GPBP1L1: variants seen among roughly 807,000 people sequenced by gnomAD.
GPBP1L1 encodes the protein vasculin-like protein 1.
GPBP1L1 carries 23 observed loss-of-function variants against 52.5 expected under a neutral mutation model. The ratio of observed to expected loss-of-function variants is 0.44; its 90% CI spans 0.32 to 0.62. The LOEUF is 0.62. Among genes scored for constraint, GPBP1L1 ranks in the 20% least tolerant of loss-of-function variants. The pLI is 0.06. For synonymous variants in GPBP1L1, 243 were observed against 203.1 expected, an observed-to-expected ratio of 1.20 and a Z score of -1.67; for missense variants, 596 against 579.3, an observed-to-expected ratio of 1.03 and a Z score of -0.30.
chr1:45,686,811 C>T (rs1034880887), upstream of GPBP1L1, among the ~76,000 whole-genome samples: 16 of 152,254 alleles, frequency 1.1e-4, no homozygotes, highest in Admixed American at 8.5e-4. Flanking sequence ...ATTGAATCCT[C>T]TGCCTTTCCT....
At chr1:45,650,669 A>G (rs1367813691) in intron 6 of GPBP1L1, among the ~76,000 whole-genome samples, 1 of 152,200 alleles carries the variant, frequency 6.6e-6, no homozygotes, top group East Asian at 1.9e-4. Flanking sequence ...TCAATTTGTG[A>G]TTTTTATCTA....
chr1:45,664,616 A>T (rs950277263), intron 2 of GPBP1L1, among the ~76,000 whole-genome samples: 4 of 152,124 alleles, frequency 2.6e-5, no homozygotes, highest in African/African-American at 9.7e-5. Flanking sequence ...ATGGGGTTTC[A>T]CTATGTTGCC....
intron 2 of GPBP1L1, among the ~76,000 whole-genome samples, chr1:45,683,672 C>T (rs1407660923): frequency 1.4e-5 from 2 of 147,992 alleles, no homozygotes; most frequent in Non-Finnish European, 3.0e-5. Flanking sequence ...TCCCTGAGTT[C>T]GAGACCATTG....
At chr1:45,647,201 A>T (rs1644760272) in intron 6 of GPBP1L1, among the ~76,000 whole-genome samples, 3 of 115,336 alleles carry the variant, frequency 2.6e-5, no homozygotes, top group African/African-American at 3.3e-5. Flanking sequence ...CAAGTTTCAT[A>T]CTCTTGTTGC....
intron 8 of GPBP1L1, among the ~76,000 whole-genome samples, chr1:45,638,302 G>T (rs372363163): frequency 1.1e-4 from 17 of 152,150 alleles, no homozygotes; most frequent in African/African-American, 4.1e-4. Context: ...TCCTTTTACT[G>T]TCAAGGTTAA....
intron 7 of GPBP1L1, chr1:45,641,850 A>T (rs927447056): frequency 1.3e-5 from 2 of 150,846 alleles, no homozygotes; most frequent in African/African-American, 2.4e-5. Flanking sequence ...TGAAGTAGCA[A>T]TGTTAATTAA....
At chr1:45,685,095 T>A (rs1047409906) in intron 2 of GPBP1L1, among the ~76,000 whole-genome samples, 1 of 151,924 alleles carries the variant, frequency 6.6e-6, no homozygotes, top group East Asian at 1.9e-4. Context: ...AAAGACAGTC[T>A]CTTGTTCAAA....
At chr1:45,668,474 T>C (rs1292593431) in intron 2 of GPBP1L1, among the ~76,000 whole-genome samples, 3 of 152,032 alleles carry the variant, frequency 2.0e-5, no homozygotes, top group Admixed American at 6.5e-5. Flanking sequence ...GCCAACATGG[T>C]GAAACCTCAT....
intron 8 of GPBP1L1, among the ~76,000 whole-genome samples, chr1:45,637,808 T>C (rs1644615618): frequency 2.0e-5 from 3 of 152,250 alleles, no homozygotes; most frequent in South Asian, 4.2e-4. Context: ...TTGGTAACAA[T>C]AGCTACCATT....
chr1:45,664,237 G>A (rs961737357), intron 2 of GPBP1L1, among the ~76,000 whole-genome samples: 5 of 152,050 alleles, frequency 3.3e-5, no homozygotes, highest in Admixed American at 6.6e-5. Flanking sequence ...GGAGAATGGC[G>A]GGAACCCGGG....
rs1035879877 is a variant in GPBP1L1, at chr1:45,660,156, C to T, written c.-56+28G>A. The T allele has an allele frequency of 7.1e-6, 7 of 982,222 alleles. No homozygotes were observed. The African/African-American group carries it at 1.0e-4, about 15-fold the overall frequency. The allele number at this position is 982,222 out of a possible 1,614,324, so 60.8% of individuals were successfully genotyped here. ...GATGCATATACATAGAGTCTTCTTT[C>T]CAAGTTAGACATATGGAGAATATTT... On this transcript the variant is annotated intron_variant, in intron 3 of 12. Transcript: ENST00000355105.
intron 8 of GPBP1L1, 170 bp from the exon 9 acceptor site, chr1:45,634,406 C>T: frequency 1.8e-6 from 1 of 562,916 alleles, no homozygotes. Flanking sequence ...TTAGGCACTT[C>T]AAGGAAAATG....
intron 2 of GPBP1L1, among the ~76,000 whole-genome samples, chr1:45,661,781 A>C (rs1175501337): frequency 6.6e-6 from 1 of 152,152 alleles, no homozygotes; most frequent in Non-Finnish European, 1.5e-5. Flanking sequence ...ATAAAAGCAC[A>C]TGTAATCTCA....
In GPBP1L1 at chr1:45,668,579, G is replaced by A. The variant is rs190619503; in HGVS notation, c.-1097-7354C>T. On this transcript the variant is annotated intron_variant, in intron 2 of 12. Coordinates refer to ENST00000355105, the MANE Select transcript of GPBP1L1 (RefSeq NM_021639.5). ...TGAGGCACAAGAACTGCTTGAACCCGGGAAGTGGCAGAGGTTGCAGTGAGC... is the reference window on the plus strand; with the variant it reads ...TGAGGCACAAGAACTGCTTGAACCCAGGAAGTGGCAGAGGTTGCAGTGAGC... Among the ~76,000 whole-genome samples, 15 of 152,220 alleles carry A rather than the reference G, an allele frequency of 9.9e-5. No individual in the cohort carries two copies. The East Asian group carries it at 1.9e-3, about 20-fold the overall frequency.
In GPBP1L1 at chr1:45,639,738, G is replaced by A. The variant is rs180934970; in HGVS notation, c.744+472C>T. Among the ~76,000 whole-genome samples, 456 of 151,960 alleles carry A rather than the reference G, an allele frequency of 3.0e-3. 3 individuals are homozygous for A. Among genetic ancestry groups the A allele is most frequent in the East Asian group, 0.022 (115 of 5,154 alleles). The stretch of plus-strand genomic sequence containing the variant: ...TAAAAATACAAAAAAACACCGAGCC[G>A]GGTGTGGTGGCGGGCGCCTGTAGTC... On this transcript the variant is annotated intron_variant, in intron 8 of 12. Transcript: ENST00000355105.
At chr1:45,663,064 A>AG (rs10526953) in intron 2 of GPBP1L1, among the ~76,000 whole-genome samples, 1 of 149,420 alleles carries the variant, frequency 6.7e-6, no homozygotes, top group African/African-American at 2.5e-5. Flanking sequence ...AAAAAAAAAA[A>AG]GCAAAAAACC....
chr1:45,680,702 T>TCACTTTGAA (rs1290166346), intron 2 of GPBP1L1, among the ~76,000 whole-genome samples: 1 of 152,184 alleles, frequency 6.6e-6, no homozygotes, highest in African/African-American at 2.4e-5. Flanking sequence ...TTTGAATAAG[T>TCACTTTGAA]TATTTCACCC....
intron 4 of GPBP1L1, among the ~76,000 whole-genome samples, chr1:45,657,806 C>T (rs1008346349): frequency 2.6e-5 from 4 of 152,208 alleles, no homozygotes; most frequent in Non-Finnish European, 4.4e-5. Context: ...TGAATTATGA[C>T]CATGCCACTG....
In GPBP1L1 at chr1:45,654,173, AT is replaced by A. The variant is rs570592116; in HGVS notation, c.477+369del. 4.4e-4 allele frequency: 75 copies of A among 171,314 alleles called. 1 individual carries two copies. In the South Asian group the frequency reaches 9.2e-3, roughly 21 times the overall value. The allele number at this position is 171,314 out of a possible 1,614,324, so 10.6% of individuals were successfully genotyped here. A position where few individuals can be genotyped will look rare whatever the true frequency, so the allele number is the denominator to read the frequency against. Reference sequence around the variant, plus strand: ...CCAATTACATGTTCATGTCACAGTAATTTTATGTGATAGAGAACAAAATCAA... The same window carrying A: ...CCAATTACATGTTCATGTCACAGTAATTTATGTGATAGAGAACAAAATCAA... On this transcript the variant is annotated intron_variant, in intron 6 of 12. Coordinates refer to ENST00000355105, the MANE Select transcript of GPBP1L1 (RefSeq NM_021639.5).
Sources: gnomAD v4.1 joint callset for allele counts (sites outside exome capture counted in the v4.1 genomes callset) on GRCh38, gnomAD v4.1.1 for gene constraint, MANE v1.5 for transcripts, NCBI Gene and HGNC (gene_info 2026-07-23, HGNC 2026-07-21) for gene names.